The following NKAIN2 variants were observed in gnomAD, a reference collection of about 807,000 sequenced individuals.
The protein encoded by NKAIN2 is sodium/potassium-transporting ATPase subunit beta-1-interacting protein 2.
In NKAIN2, 14 loss-of-function variants were observed where a neutral mutation model predicts 32.6. The ratio of observed to expected loss-of-function variants is 0.43; its 90% CI spans 0.28 to 0.67. NKAIN2 has a LOEUF of 0.67. Ranked by LOEUF, NKAIN2 falls within the 30% of genes least tolerant of loss-of-function variation. The pLI is 0.17. For missense variants in NKAIN2, 198 were observed against 258.3 expected (o/e 0.77, Z 1.60); for synonymous variants, 80 against 87.2 (o/e 0.92, Z 0.46).
chr6:124,653,521 G>C (rs969970481), intron 3 of NKAIN2, among the ~76,000 whole-genome samples: 1 of 139,028 alleles, frequency 7.2e-6, no homozygotes, highest in African/African-American at 2.7e-5. Context: ...ATGGGTCAAA[G>C]ACCTAAATGT....
chr6:124,385,742 T>C (rs757034898), intron 3 of NKAIN2, among the ~76,000 whole-genome samples: 7 of 151,306 alleles, frequency 4.6e-5, no homozygotes, highest in Non-Finnish European at 1.0e-4. Context: ...ATCTATCTCA[T>C]GAGTAGCCAA....
At chr6:124,054,882 C>A (rs568224968) in intron 1 of NKAIN2, among the ~76,000 whole-genome samples, 20 of 152,038 alleles carry the variant, frequency 1.3e-4, no homozygotes, top group Non-Finnish European at 2.5e-4. Context: ...CAACACTTCC[C>A]AAAGGTTCTA....
At chr6:124,753,834 T>C (rs1395243072) in intron 4 of NKAIN2, among the ~76,000 whole-genome samples, 1 of 152,026 alleles carries the variant, frequency 6.6e-6, no homozygotes, top group African/African-American at 2.4e-5. Flanking sequence ...ATGATGTCTA[T>C]CAGGAAATAC....
chr6:124,038,414 C>T (rs1276721137), intron 1 of NKAIN2, among the ~76,000 whole-genome samples: 4 of 151,916 alleles, frequency 2.6e-5, no homozygotes, highest in Non-Finnish European at 1.5e-5. Flanking sequence ...AGGGTTTCAC[C>T]ATGTTGGTCA....
rs1791610398 is a variant in NKAIN2 at position 124,218,576 on chromosome 6, C to A, written c.55-64429C>A. Among the ~76,000 whole-genome samples, 3 of 152,166 alleles carry A rather than the reference C, an allele frequency of 2.0e-5. No homozygotes were observed. In the South Asian group the frequency reaches 6.2e-4, roughly 32 times the overall value. On this transcript the variant is annotated intron_variant, in intron 1 of 6. Transcript: ENST00000368417. ...ATAATTTATTAAATAAGGGGAAAATCAGTCTACCAACTACTAATAGCAAAA... is the reference window on the plus strand; with the variant it reads ...ATAATTTATTAAATAAGGGGAAAATAAGTCTACCAACTACTAATAGCAAAA...
intron 1 of NKAIN2, among the ~76,000 whole-genome samples, chr6:124,135,179 C>T (rs374719766): frequency 6.6e-5 from 10 of 151,026 alleles, no homozygotes; most frequent in African/African-American, 2.4e-4. Context: ...CTCCTTGAAC[C>T]GTAAATCTCA....
At chr6:124,514,457 C>G (rs1002290980) in intron 3 of NKAIN2, among the ~76,000 whole-genome samples, 3 of 152,176 alleles carry the variant, frequency 2.0e-5, no homozygotes, top group Non-Finnish European at 4.4e-5. Context: ...AGCAAATTCT[C>G]AGGCTCCATC....
At chr6:124,283,252 T>C (rs919852439) in intron 2 of NKAIN2, 110 bp downstream of exon 2, 2 of 699,290 alleles carry the variant, frequency 2.9e-6, no homozygotes, top group Non-Finnish European at 4.9e-6. Context: ...ATGTGGATAC[T>C]CTCTTTTAAG....
At chr6:123,810,229 G>C (rs567160957) in intron 1 of NKAIN2, among the ~76,000 whole-genome samples, 1 of 151,936 alleles carries the variant, frequency 6.6e-6, no homozygotes, top group Non-Finnish European at 1.5e-5. Flanking sequence ...ATTCAAACCC[G>C]GGTCTGTCTG....
At chr6:124,621,183 T>G (rs1193397139) in intron 3 of NKAIN2, among the ~76,000 whole-genome samples, 2 of 152,162 alleles carry the variant, frequency 1.3e-5, no homozygotes, top group African/African-American at 2.4e-5. Flanking sequence ...CTAACATGTA[T>G]CCAAGGTAGA....
chr6:123,865,940 T>C (rs1219715889), intron 1 of NKAIN2, among the ~76,000 whole-genome samples: 1 of 152,204 alleles, frequency 6.6e-6, no homozygotes, highest in Non-Finnish European at 1.5e-5. Context: ...CAAAATGTAT[T>C]TTCTCATATG....
chr6:123,833,711 G>GTGTGTGTC (rs1264405486), intron 1 of NKAIN2, among the ~76,000 whole-genome samples: 5 of 148,876 alleles, frequency 3.4e-5, no homozygotes, highest in Non-Finnish European at 6.0e-5. Flanking sequence ...GTGTGTGTGT[G>GTGTGTGTC]TGTGTGTGTG....
In NKAIN2 at chr6:123,808,163, G is replaced by C. The variant is rs115792425; in HGVS notation, c.54+3909G>C. ...GTTGCTGTGAAGTAGCTTGAAAAGT[G>C]CAGGTAGAATCTTATGATATTCCTG... On this transcript the variant is annotated intron_variant, in intron 1 of 6. Coordinates refer to ENST00000368417, the MANE Select transcript of NKAIN2 (RefSeq NM_001040214.3). 3.4e-3 allele frequency among the ~76,000 whole-genome samples: 520 copies of C among 152,260 alleles called. 8 individuals are homozygous for C. The highest frequency in any genetic ancestry group is 0.012 in the African/African-American group (479 of 41,562).
At chr6:123,998,739 C>T (rs1220498110) in intron 1 of NKAIN2, among the ~76,000 whole-genome samples, 1 of 93,796 alleles carries the variant, frequency 1.1e-5, no homozygotes, top group African/African-American at 4.0e-5. Flanking sequence ...TTCTCTCTCT[C>T]TCTCTGTGTG....
intron 2 of NKAIN2, among the ~76,000 whole-genome samples, chr6:124,352,336 A>G (rs1390304680): frequency 3.9e-5 from 6 of 152,250 alleles, no homozygotes; most frequent in Non-Finnish European, 7.3e-5. Flanking sequence ...TAAGTAACTA[A>G]GTATAAATGA....
intron 4 of NKAIN2, among the ~76,000 whole-genome samples, chr6:124,705,232 A>G (rs1774998364): frequency 6.6e-6 from 1 of 152,110 alleles, no homozygotes; most frequent in African/African-American, 2.4e-5. Flanking sequence ...GAATACATAT[A>G]AAAGATTGGG....
intron 1 of NKAIN2, among the ~76,000 whole-genome samples, chr6:124,250,874 T>A (rs1195165008): frequency 6.6e-6 from 1 of 152,020 alleles, no homozygotes; most frequent in Non-Finnish European, 1.5e-5. Context: ...ATGGCACATA[T>A]TCTAAGAAGA....
chr6:124,229,495 G>T (rs1221542195), intron 1 of NKAIN2, among the ~76,000 whole-genome samples: 4 of 136,780 alleles, frequency 2.9e-5, no homozygotes, highest in Non-Finnish European at 4.7e-5. Context: ...TAGATAGATA[G>T]ATAGACAGAT....
At chr6:124,809,101 A>G (rs2114853948) in intron 5 of NKAIN2, among the ~76,000 whole-genome samples, 1 of 152,316 alleles carries the variant, frequency 6.6e-6, no homozygotes, top group East Asian at 1.9e-4. Context: ...CAAGCTACCA[A>G]TGCCTTTCTT....
Sources: allele counts gnomAD v4.1 joint callset (sites outside exome capture counted in the v4.1 genomes callset), GRCh38; gene constraint gnomAD v4.1.1; transcripts MANE v1.5; gene names NCBI Gene and HGNC (gene_info 2026-07-23, HGNC 2026-07-21).